FER1L6: variants seen among roughly 807,000 people sequenced by gnomAD.
FER1L6 encodes the protein fer-1-like protein 6.
In FER1L6, 177 loss-of-function variants were observed where a neutral mutation model predicts 219.2. That is an observed-to-expected ratio of 0.81 (90% confidence interval 0.71 to 0.91). The LOEUF is 0.91. FER1L6 is among the 40% of genes least tolerant of loss of function. FER1L6 has a pLI of 0.00. For missense variants in FER1L6, 2,153 were observed against 2,259.9 expected, an observed-to-expected ratio of 0.95 and a Z score of 0.96; for synonymous variants, 768 against 824.3, an observed-to-expected ratio of 0.93 and a Z score of 1.17.
In FER1L6 at chr8:124,060,576, A is replaced by C. The variant is rs1258845027; in HGVS notation, c.3014A>C (p.Lys1005Thr). Reference sequence around the variant, plus strand: ...CTCTTCTGGGGAGTTCGGGAAATGAAGAAGGTGCAGCTCCTCTCTGTGGAT... The same window carrying C: ...CTCTTCTGGGGAGTTCGGGAAATGACGAAGGTGCAGCTCCTCTCTGTGGAT... Reference protein sequence around the residue: ...EVLFWGVREMKKVQLLSVDRP... With the variant: ...EVLFWGVREMTKVQLLSVDRP... Residue 1005 changes from lysine (K) to threonine (T), a missense_variant, in exon 24 of 41, where the codon AAG (lysine) becomes ACG (threonine). Lys to Thr is a moderately conservative substitution (Grantham distance 78). Transcript: ENST00000522917. The C allele has an allele frequency of 6.2e-7, 1 of 1,613,864 alleles. No homozygotes were observed. The highest frequency in any genetic ancestry group is 8.5e-7 in the Non-Finnish European group (1 of 1,179,968).
intron 1 of FER1L6, among the ~76,000 whole-genome samples, chr8:123,869,820 G>C (rs1816896348): frequency 6.6e-6 from 1 of 152,292 alleles, no homozygotes; most frequent in East Asian, 1.9e-4. Context: ...AAGACAGTGT[G>C]GTACTGGTGA....
Position 124,043,655 on chromosome 8 carries a change from T to C in FER1L6, c.2590-2112T>C, listed in dbSNP as rs564078281. Among the ~76,000 whole-genome samples, 13 of 152,122 alleles carry C rather than the reference T, an allele frequency of 8.5e-5. No homozygotes were observed. In the South Asian group the frequency reaches 2.3e-3, roughly 27 times the overall value. The stretch of plus-strand genomic sequence containing the variant: ...TAAATGGAAGAGCGTGGATTTCGAC[T>C]GAGGCAGTGCAGCTCCAGAGTCTAT... On this transcript the variant is annotated intron_variant, in intron 20 of 40. Transcript: ENST00000522917.
intron 22 of FER1L6, among the ~76,000 whole-genome samples, chr8:124,057,070 C>T (rs937832129): frequency 7.2e-5 from 11 of 151,968 alleles, no homozygotes; most frequent in African/African-American, 2.7e-4. Flanking sequence ...AAACAAAAAA[C>T]CTTCCAGTAG....
chr8:123,918,818 A>G (rs544646979), intron 1 of FER1L6, among the ~76,000 whole-genome samples: 9 of 152,212 alleles, frequency 5.9e-5, no homozygotes, highest in South Asian at 2.1e-4. Flanking sequence ...TTTCTGGGAG[A>G]TTCCAGTGTA....
At chr8:123,854,766 G>A (rs998740506) in intron 1 of FER1L6, among the ~76,000 whole-genome samples, 2 of 152,120 alleles carry the variant, frequency 1.3e-5, no homozygotes, top group African/African-American at 4.8e-5. Flanking sequence ...TGCCAGGCAT[G>A]GTGGGGGATA....
chr8:124,058,541 G>A (rs1140752), intron 22 of FER1L6, among the ~76,000 whole-genome samples: 1 of 152,320 alleles, frequency 6.6e-6, no homozygotes, highest in East Asian at 1.9e-4. Flanking sequence ...CAATGTTATA[G>A]GATTCTTTAA....
At chr8:123,942,556 G>A (rs1814282356) in intron 1 of FER1L6, among the ~76,000 whole-genome samples, 1 of 152,192 alleles carries the variant, frequency 6.6e-6, no homozygotes, top group African/African-American at 2.4e-5. Context: ...GACGATGGGG[G>A]AGAATCCTTC....
chr8:124,082,901 C>T (rs781191648), intron 33 of FER1L6, among the ~76,000 whole-genome samples: 52 of 152,118 alleles, frequency 3.4e-4, no homozygotes, highest in African/African-American at 4.6e-4. Context: ...AGGCGTTATC[C>T]GCATTTTACA....
chr8:124,075,679 T>C (rs1821254326), intron 31 of FER1L6, among the ~76,000 whole-genome samples: 1 of 152,220 alleles, frequency 6.6e-6, no homozygotes, highest in Non-Finnish European at 1.5e-5. Flanking sequence ...GGTTTGTTTA[T>C]AGCATCACCA....
chr8:124,067,266 G>A (rs914056132), intron 27 of FER1L6, among the ~76,000 whole-genome samples: 12 of 152,140 alleles, frequency 7.9e-5, no homozygotes, highest in African/African-American at 1.9e-4. Context: ...GATATATACC[G>A]AAAAAGCAAA....
At chr8:124,031,095 G>A (rs762234678) in intron 18 of FER1L6, among the ~76,000 whole-genome samples, 4 of 151,966 alleles carry the variant, frequency 2.6e-5, no homozygotes, top group African/African-American at 4.8e-5. Context: ...ACCTTGCTGT[G>A]GTTGGTGAAG....
chr8:124,027,208 G>A (rs1329679358), intron 18 of FER1L6, among the ~76,000 whole-genome samples: 1 of 152,130 alleles, frequency 6.6e-6, no homozygotes, highest in Non-Finnish European at 1.5e-5. Context: ...GGGTGTTGGG[G>A]ATTAGAACTT....
chr8:123,939,018 C>T (rs1814120757), intron 1 of FER1L6, among the ~76,000 whole-genome samples: 1 of 152,194 alleles, frequency 6.6e-6, no homozygotes, highest in Non-Finnish European at 1.5e-5. Context: ...TGCTTTTCAG[C>T]AATTGCATTG....
In FER1L6 at chr8:123,946,914, C is replaced by T. The variant is rs151252967; in HGVS notation, c.-7-9078C>T. ...ATCAAAATGGCAGAGTGTACTAGGG[C>T]CTAGTGCAGTGCTTGGAACACAACA... On this transcript the variant is annotated intron_variant, in intron 1 of 40. Coordinates refer to ENST00000522917, the MANE Select transcript of FER1L6 (RefSeq NM_001039112.2). 4.9e-3 allele frequency among the ~76,000 whole-genome samples: 746 copies of T among 152,232 alleles called. 1 individual carries two copies. The highest frequency in any genetic ancestry group is 0.02 in the Middle Eastern group (6 of 294).
rs777804977 is a variant in FER1L6 at position 124,060,282 on chromosome 8, C to T, written c.2977C>T (p.Arg993Ter). 17 of 1,613,894 alleles carry T rather than the reference C, an allele frequency of 1.1e-5. No homozygotes were observed. In the African/African-American group the frequency reaches 1.1e-4, roughly 10 times the overall value. Reference protein sequence around the residue: ...ANIRPVLSKYRVEVLFWGVRE... With the variant: ...ANIRPVLSKY ...CATTCGGCCGGTGCTGAGCAAATAC[C>T]GAGTGGAGGTACGGGTCAGCGGAGG... Residue 993 changes from arginine (R) to a stop codon, truncating the protein, a stop_gained, in exon 23 of 41, where the codon CGA (arginine) becomes TGA (stop). Transcript: ENST00000522917. LOFTEE classifies it high-confidence loss of function.
chr8:124,051,697 A>T (rs911812871), intron 22 of FER1L6, among the ~76,000 whole-genome samples: 4 of 152,210 alleles, frequency 2.6e-5, no homozygotes, highest in African/African-American at 9.7e-5. Context: ...AGAGAGTCCC[A>T]CCAGAGCTGG....
At chr8:123,988,665 T>C (rs1241639847) in intron 12 of FER1L6, among the ~76,000 whole-genome samples, 1 of 152,256 alleles carries the variant, frequency 6.6e-6, no homozygotes, top group Non-Finnish European at 1.5e-5. Context: ...AATTTTTAAA[T>C]GTTGATTTTG....
At chr8:124,082,714 T>C (rs1320250881) in intron 33 of FER1L6, among the ~76,000 whole-genome samples, 2 of 152,150 alleles carry the variant, frequency 1.3e-5, no homozygotes, top group African/African-American at 2.4e-5. Context: ...GCTAAATGTA[T>C]GTGTTCACTC....
At chr8:123,966,082 G>T in intron 4 of FER1L6, 21 bp downstream of exon 4, 3 of 1,613,524 alleles carry the variant, frequency 1.9e-6, no homozygotes, top group Non-Finnish European at 2.5e-6. Context: ...GGCTCTTCCT[G>T]CCCAGCCTCC....
Sources: gnomAD v4.1 joint callset for allele counts (sites outside exome capture counted in the v4.1 genomes callset) on GRCh38, gnomAD v4.1.1 for gene constraint, MANE v1.5 for transcripts, NCBI Gene and HGNC (gene_info 2026-07-23, HGNC 2026-07-21) for gene names.